Variants in FBXW4 observed in about 807,000 individuals in gnomAD.
FBXW4 encodes F-box/WD repeat-containing protein 4.
FBXW4 carries 40 observed loss-of-function variants against 61.8 expected under a neutral mutation model. That is an observed-to-expected ratio of 0.65 (90% confidence interval 0.50 to 0.84). The LOEUF is 0.84. Among genes scored for constraint, FBXW4 ranks in the 40% least tolerant of loss-of-function variants. The pLI is 0.00. For missense variants in FBXW4, 672 were observed against 753.8 expected (o/e 0.89, Z 1.27); for synonymous variants, 311 against 313.8 (o/e 0.99, Z 0.10).
At chr10:101,631,138 A>G (rs2063952299) in intron 5 of FBXW4, among the ~76,000 whole-genome samples, 1 of 152,240 alleles carries the variant, frequency 6.6e-6, no homozygotes, top group African/African-American at 2.4e-5. Context: ...TAAAGCAAAT[A>G]AAAAGAAGTT....
chr10:101,686,053 A>G (rs185133251), intron 1 of FBXW4, among the ~76,000 whole-genome samples: 29 of 151,284 alleles, frequency 1.9e-4, no homozygotes, highest in African/African-American at 6.3e-4. Context: ...AAAAATGTCT[A>G]AACAGTTTCA....
chr10:101,613,027 G>A (rs1034565341), intron 6 of FBXW4: 2 of 152,336 alleles, frequency 1.3e-5, no homozygotes, highest in South Asian at 2.1e-4. Context: ...GAGAAAAATC[G>A]CTGAGAAAGC....
chr10:101,670,305 G>T (rs774613988), intron 4 of FBXW4, among the ~76,000 whole-genome samples: 2 of 152,206 alleles, frequency 1.3e-5, no homozygotes, highest in African/African-American at 2.4e-5. Context: ...TATTATCTTT[G>T]ATCTTAATGG....
chr10:101,651,607 C>A (rs1346125552), intron 5 of FBXW4, among the ~76,000 whole-genome samples: 7 of 152,116 alleles, frequency 4.6e-5, no homozygotes, highest in African/African-American at 1.7e-4. Flanking sequence ...CTCTGCCCCC[C>A]TCCTTCCCTC....
chr10:101,695,138 C>T lies in FBXW4; in HGVS notation c.-33G>A. On this transcript the variant is annotated 5_prime_UTR_variant, in exon 1 of 9. Transcript: ENST00000331272. The surrounding 1 kb of genome is among the most constrained non-coding windows in gnomAD (Gnocchi z 4.2). ...CGCGGGGCCGGCCCGACGCGGAGCC[C>T]AGCCCGAGCCGCCACCGCCGCCGCC... 1 of 985,222 alleles carries T rather than the reference C, an allele frequency of 1.0e-6. No individual in the cohort carries two copies. Among genetic ancestry groups the T allele is most frequent in the Non-Finnish European group, 1.2e-6 (1 of 830,034 alleles). 61.0% of individuals were successfully genotyped at this position (985,222 alleles called of 1,614,324 possible).
chr10:101,619,066 C>T (rs867458805), intron 6 of FBXW4, among the ~76,000 whole-genome samples: 5 of 152,156 alleles, frequency 3.3e-5, no homozygotes, highest in Admixed American at 1.3e-4. Flanking sequence ...ACATAGAGAA[C>T]ACAAGATGAG....
chr10:101,621,210 A>T (rs935774877), intron 6 of FBXW4, among the ~76,000 whole-genome samples: 1 of 152,210 alleles, frequency 6.6e-6, no homozygotes, highest in Non-Finnish European at 1.5e-5. Context: ...CTAGTCACTA[A>T]GACACGGATA....
intron 3 of FBXW4, 152 bp from the exon 4 acceptor site, chr10:101,673,199 A>AC: frequency 1.0e-6 from 1 of 960,028 alleles, no homozygotes; most frequent in South Asian, 1.7e-5. Flanking sequence ...CTTTCTAGAT[A>AC]CCTTTACTTC....
chr10:101,691,901 A>G (rs2064607836), intron 1 of FBXW4, among the ~76,000 whole-genome samples: 1 of 152,226 alleles, frequency 6.6e-6, no homozygotes, highest in Admixed American at 6.5e-5. Context: ...ATCAAATTCA[A>G]AATTTACAAG....
intron 4 of FBXW4, among the ~76,000 whole-genome samples, chr10:101,669,674 G>A (rs1171333836): frequency 5.3e-5 from 8 of 152,020 alleles, no homozygotes; most frequent in Non-Finnish European, 1.0e-4. Context: ...GACAAGAGTT[G>A]ACAACAATAT....
intron 6 of FBXW4, among the ~76,000 whole-genome samples, chr10:101,618,829 G>A (rs1159001658): frequency 1.3e-5 from 2 of 152,112 alleles, no homozygotes; most frequent in Admixed American, 6.5e-5. Context: ...AGGCTATCAG[G>A]GGCCCAGCTG....
intron 1 of FBXW4, among the ~76,000 whole-genome samples, chr10:101,683,672 T>C (rs1482163094): frequency 6.6e-6 from 1 of 152,146 alleles, no homozygotes; most frequent in African/African-American, 2.4e-5. Flanking sequence ...AGTGTAGGTA[T>C]ATCGAAGAGG....
At chr10:101,624,881 G>C (rs540042009) in intron 5 of FBXW4, 71 bp from the exon 6 acceptor site, 2 of 1,516,006 alleles carry the variant, frequency 1.3e-6, no homozygotes, top group South Asian at 2.3e-5. Context: ...CTAACAATGG[G>C]AAATGCCGTG....
rs752983821 is a variant in FBXW4, at chr10:101,672,963, A to G, written c.1092T>C (p.Asp364=). ...CACTCACAATGATGCCCCCTTTGCA[A>G]TCCACACAGTTCACCTCCTGTTCAT... ...SAHEQEVNCV[D]CKGGIIVSGS... is the part of the protein sequence containing the mutation. Residue 364 remains aspartate (D), a synonymous_variant, in exon 4 of 9, where the codon GAT becomes GAC. Transcript: ENST00000331272. 124 of 1,613,974 alleles carry G rather than the reference A, an allele frequency of 7.7e-5. No homozygotes were observed. The highest frequency in any genetic ancestry group is 9.7e-5 in the Non-Finnish European group (115 of 1,180,014).
intron 1 of FBXW4, among the ~76,000 whole-genome samples, chr10:101,680,030 T>C (rs535412538): frequency 6.6e-6 from 1 of 152,100 alleles, no homozygotes; most frequent in African/African-American, 2.4e-5. Flanking sequence ...GATAATGGCC[T>C]CCAATTCCAT....
chr10:101,624,712 C>G (rs2063893636), intron 6 of FBXW4, 33 bp downstream of exon 6: 2 of 1,612,678 alleles, frequency 1.2e-6, no homozygotes, highest in Non-Finnish European at 1.7e-6. Context: ...ACCTCCTGGA[C>G]TGGAAGCCAG....
rs866320957 is a variant in FBXW4 at position 101,673,730 on chromosome 10, C to T, written c.822-57G>A. The T allele has an allele frequency of 5.9e-6, 9 of 1,537,716 alleles. No homozygotes were observed. The African/African-American group carries it at 6.9e-5, about 12-fold the overall frequency. ...ATCAAGATACAGTATGAAAACTCAA[C>T]TCCAATCTTTGAAGAAGCTGACCAA... On this transcript the variant is annotated intron_variant, in intron 2 of 8. Transcript: ENST00000331272.
At position 101,611,545 on chromosome 10, in the gene FBXW4, C is replaced by T. The variant is rs777610624; in HGVS notation, c.1584+83G>A. On this transcript the variant is annotated intron_variant, in intron 8 of 8. Coordinates refer to ENST00000331272, the MANE Select transcript of FBXW4 (RefSeq NM_022039.4). The surrounding 1 kb of genome is among the most constrained non-coding windows in gnomAD (Gnocchi z 4.9). Reference sequence around the variant, plus strand: ...TTCTTCCAACCCTTTCTAGGCACGTCCTTGGCTACCTCACCCTCTCCCAAA... The same window carrying T: ...TTCTTCCAACCCTTTCTAGGCACGTTCTTGGCTACCTCACCCTCTCCCAAA... The T allele has an allele frequency of 6.1e-4, 964 of 1,583,234 alleles. No homozygotes were observed. The highest frequency in any genetic ancestry group is 7.8e-4 in the Non-Finnish European group (907 of 1,160,974).
chr10:101,676,152 T>A (rs1055032247), intron 2 of FBXW4, among the ~76,000 whole-genome samples, 189 bp downstream of exon 2: 5 of 152,200 alleles, frequency 3.3e-5, no homozygotes, highest in African/African-American at 1.2e-4. Context: ...TTAAAGTACA[T>A]TTCTTGTATT....
Sources: gnomAD v4.1 joint callset for allele counts (sites outside exome capture counted in the v4.1 genomes callset) on GRCh38, gnomAD v4.1.1 for gene constraint, Gnocchi (gnomAD v3.1) non-coding constraint, MANE v1.5 for transcripts, NCBI Gene and HGNC (gene_info 2026-07-23, HGNC 2026-07-21) for gene names.